EXOC2: variants seen among roughly 807,000 people sequenced by gnomAD.
The protein encoded by EXOC2 is exocyst complex component 2.
A neutral mutation model predicts 131.8 loss-of-function variants in EXOC2; 70 were observed. The observed-to-expected ratio is 0.53, with a 90% CI of 0.44 to 0.65. The LOEUF (loss-of-function observed/expected upper bound fraction) is 0.65, where lower values mean the gene tolerates loss of function less well. EXOC2 is among the 30% of genes least tolerant of loss of function. The pLI is 0.00. For synonymous variants in EXOC2, 411 were observed against 398.4 expected, an observed-to-expected ratio of 1.03 and a Z score of -0.38; for missense variants, 923 against 1,108.6, an observed-to-expected ratio of 0.83 and a Z score of 2.38.
Position 526,288 on chromosome 6 carries a change from G to T in EXOC2, c.2380+6181C>A, listed in dbSNP as rs1581368602. ...TCAATCCAGAGGGTTTTAATAAAAT[G>T]ATACCCTAATGGTATTTTAAATTAC... On this transcript the variant is annotated intron_variant, in intron 23 of 27. Transcript: ENST00000230449. Among the ~76,000 whole-genome samples the T allele has an allele frequency of 4.6e-5, 7 of 152,250 alleles. No homozygotes were observed. In the South Asian group the frequency reaches 1.5e-3, roughly 32 times the overall value.
chr6:590,503 C>G (rs1186916469), intron 11 of EXOC2, among the ~76,000 whole-genome samples: 1 of 152,202 alleles, frequency 6.6e-6, no homozygotes, highest in Non-Finnish European at 1.5e-5. Flanking sequence ...CAAGACTGCT[C>G]TCCTGTTACA....
chr6:596,540 G>T (rs1038693786), intron 10 of EXOC2, among the ~76,000 whole-genome samples: 2 of 151,970 alleles, frequency 1.3e-5, no homozygotes, highest in Non-Finnish European at 2.9e-5. Context: ...GCTAATTTTT[G>T]ATTTTTTGCA....
chr6:485,219 T>C lies in EXOC2; in HGVS notation c.*1452A>G, dbSNP rs947357928. 11 of 152,254 alleles carry C rather than the reference T, an allele frequency of 7.2e-5. No individual in the cohort carries two copies. In the South Asian group the frequency reaches 1.4e-3, roughly 20 times the overall value. The allele number at this position is 152,254 out of a possible 1,614,324, so 9.4% of individuals were successfully genotyped here. ...ATATTTAAAATATCACAAACATTCA[T>C]GATTGCAGTTTTTAAACTTAGCTCA... On this transcript the variant is annotated 3_prime_UTR_variant, in exon 28 of 28. Transcript: ENST00000230449.
At chr6:541,255 A>T (rs1766800559) in intron 22 of EXOC2, among the ~76,000 whole-genome samples, 1 of 152,236 alleles carries the variant, frequency 6.6e-6, no homozygotes, top group African/African-American at 2.4e-5. Context: ...GAATATTAAA[A>T]TTCAAAACTA....
intron 23 of EXOC2, 57 bp downstream of exon 23, chr6:532,412 A>C: frequency 7.2e-7 from 1 of 1,390,830 alleles, no homozygotes; most frequent in Non-Finnish European, 9.5e-7. Context: ...AATTCAAGCA[A>C]GTATCAATTG....
At chr6:639,603 C>T (rs1319069189) in intron 1 of EXOC2, among the ~76,000 whole-genome samples, 1 of 152,144 alleles carries the variant, frequency 6.6e-6, no homozygotes, top group Admixed American at 6.5e-5. Flanking sequence ...AAAATAAGAC[C>T]CAAAGATCCT....
intron 4 of EXOC2, among the ~76,000 whole-genome samples, chr6:620,936 T>C (rs879020351): frequency 1.3e-5 from 2 of 152,044 alleles, no homozygotes; most frequent in Middle Eastern, 3.4e-3. Context: ...CCTACTTGAG[T>C]CTTGGGGGCA....
At chr6:612,807 C>T (rs571055130) in intron 6 of EXOC2, among the ~76,000 whole-genome samples, 16 of 152,300 alleles carry the variant, frequency 1.1e-4, no homozygotes, top group East Asian at 9.7e-4. Context: ...TAGTCTGTTT[C>T]GGCTTTTTAC....
At chr6:510,641 G>T (rs773456211) in intron 23 of EXOC2, among the ~76,000 whole-genome samples, 191 of 152,282 alleles carry the variant, frequency 1.3e-3, no homozygotes, top group African/African-American at 4.3e-3. Flanking sequence ...ATTTCAAAAT[G>T]TAAAGTCTGA....
Position 677,033 on chromosome 6 carries a change from G to A in EXOC2, c.-44+15986C>T, listed in dbSNP as rs528320445. On this transcript the variant is annotated intron_variant, in intron 1 of 27. Coordinates refer to ENST00000230449, the MANE Select transcript of EXOC2 (RefSeq NM_018303.6). ...GGTTCCCCATACTCTTCAACATTAC[G>A]GAAAGGACAGCTTTCTCTGGAGACT... is the stretch of plus-strand genomic sequence containing the variant. Among the ~76,000 whole-genome samples, 6 of 58,502 alleles carry A rather than the reference G, an allele frequency of 1.0e-4. 1 individual carries two copies. Among genetic ancestry groups the A allele is most frequent in the Non-Finnish European group, 1.6e-4 (4 of 24,620 alleles). The allele number at this position is 58,502 out of a possible 152,430, so 38.4% of individuals were successfully genotyped here.
At position 623,527 on chromosome 6, in the gene EXOC2, G is replaced by A. The variant is rs73371992; in HGVS notation, c.423-3984C>T. ...TTCAAGATGGTGAAATTCTAACACAGATGTCAAATAATCTTCCCCAAATCA... is the reference window on the plus strand; with the variant it reads ...TTCAAGATGGTGAAATTCTAACACAAATGTCAAATAATCTTCCCCAAATCA... On this transcript the variant is annotated intron_variant, in intron 4 of 27. Coordinates refer to ENST00000230449, the MANE Select transcript of EXOC2 (RefSeq NM_018303.6). Among the ~76,000 whole-genome samples the A allele has an allele frequency of 6.2e-3, 940 of 152,288 alleles. 9 individuals carry two copies. Among genetic ancestry groups the A allele is most frequent in the African/African-American group, 0.021 (875 of 41,538 alleles).
chr6:685,258 C>G (rs1412163172), intron 1 of EXOC2, among the ~76,000 whole-genome samples: 1 of 152,138 alleles, frequency 6.6e-6, no homozygotes, highest in Non-Finnish European at 1.5e-5. Context: ...CTGTCCAGAA[C>G]CACTTTGGGT....
intron 27 of EXOC2, among the ~76,000 whole-genome samples, chr6:488,699 AC>A (rs1489417882): frequency 6.6e-6 from 1 of 152,118 alleles, no homozygotes; most frequent in African/African-American, 2.4e-5. Flanking sequence ...CTTTCTTAAG[AC>A]CTTTTCTATA....
chr6:645,943 C>T (rs541326717), intron 1 of EXOC2, among the ~76,000 whole-genome samples: 1 of 152,316 alleles, frequency 6.6e-6, no homozygotes, highest in South Asian at 2.1e-4. Flanking sequence ...GCAGTGCCCA[C>T]TGTCCAAACC....
intron 22 of EXOC2, among the ~76,000 whole-genome samples, chr6:536,356 T>C (rs1766444378): frequency 6.6e-6 from 1 of 151,936 alleles, no homozygotes; most frequent in Non-Finnish European, 1.5e-5. Context: ...AGGATTATAA[T>C]ACAATACCAT....
chr6:667,631 G>C (rs188368630), intron 1 of EXOC2, among the ~76,000 whole-genome samples: 1 of 96,822 alleles, frequency 1.0e-5, no homozygotes, highest in Non-Finnish European at 2.4e-5. Context: ...AGAATGCCAC[G>C]GTCTTCTGAG....
At chr6:628,250 T>C (rs1218516443) in intron 4 of EXOC2, among the ~76,000 whole-genome samples, 1 of 151,994 alleles carries the variant, frequency 6.6e-6, no homozygotes, top group African/African-American at 2.4e-5. Flanking sequence ...ATTGAGAGAG[T>C]TTTGCCCCAC....
intron 11 of EXOC2, among the ~76,000 whole-genome samples, chr6:585,102 C>G (rs1759131320): frequency 6.6e-6 from 1 of 152,164 alleles, no homozygotes; most frequent in Middle Eastern, 3.2e-3. Flanking sequence ...TATAACAATT[C>G]AGAACACAAG....
rs1277597961 is a variant in EXOC2, at chr6:499,627, C to A, written c.2436+18G>T. 1 of 1,606,370 alleles carries A rather than the reference C, an allele frequency of 6.2e-7. No individual in the cohort carries two copies. ...TTTGGTTATCCATATCTCTTAGGAA[C>A]ATCTAATGATACTTTACCTCTGCAT... On this transcript the variant is annotated intron_variant, in intron 24 of 27. Transcript: ENST00000230449.
Sources: allele counts gnomAD v4.1 joint callset (sites outside exome capture counted in the v4.1 genomes callset), GRCh38; gene constraint gnomAD v4.1.1; transcripts MANE v1.5; gene names NCBI Gene and HGNC (gene_info 2026-07-23, HGNC 2026-07-21).